EPHA6: variants seen among roughly 807,000 people sequenced by gnomAD.
EPHA6 encodes the protein EPH receptor A6, also known as ephrin type-A receptor 6.
A neutral mutation model predicts 112.0 loss-of-function variants in EPHA6; 50 were observed. The observed-to-expected ratio is 0.45, with a 90% CI of 0.36 to 0.56. EPHA6 has a LOEUF of 0.56. Ranked by LOEUF, EPHA6 falls within the 20% of genes least tolerant of loss-of-function variation. EPHA6 has a pLI of 0.00. For synonymous variants in EPHA6, 529 were observed against 490.7 expected (o/e 1.08, Z -1.03); for missense variants, 1,280 against 1,417.4 (o/e 0.90, Z 1.56).
chr3:96,891,333 CA>C (rs1212186739), intron 2 of EPHA6, among the ~76,000 whole-genome samples: 2 of 151,970 alleles, frequency 1.3e-5, no homozygotes, highest in Admixed American at 1.3e-4. Flanking sequence ...AACTGGAAAC[CA>C]AAGAGCACAT....
chr3:97,568,581 T>C (rs2093297566), intron 11 of EPHA6, among the ~76,000 whole-genome samples: 1 of 152,234 alleles, frequency 6.6e-6, no homozygotes, highest in African/African-American at 2.4e-5. Flanking sequence ...TCCTTATGCC[T>C]ACAATGCCCC....
chr3:97,685,313 C>T (rs770594355), intron 14 of EPHA6, among the ~76,000 whole-genome samples: 6 of 152,144 alleles, frequency 3.9e-5, no homozygotes, highest in South Asian at 2.1e-4. Flanking sequence ...GAGTTAATTC[C>T]TGTTGAATGC....
chr3:97,265,063 C>G (rs1209427600), intron 5 of EPHA6, among the ~76,000 whole-genome samples: 1 of 152,142 alleles, frequency 6.6e-6, no homozygotes, highest in Non-Finnish European at 1.5e-5. Flanking sequence ...GAGGTTAGTT[C>G]CTCTCTGCAA....
chr3:97,630,963 T>C (rs2107534066), intron 13 of EPHA6, among the ~76,000 whole-genome samples: 1 of 152,072 alleles, frequency 6.6e-6, no homozygotes, highest in South Asian at 2.1e-4. Flanking sequence ...TGGACTGTCA[T>C]CCCATCCTAA....
chr3:97,441,642 A>T (rs1390690711), intron 6 of EPHA6, among the ~76,000 whole-genome samples: 2 of 152,092 alleles, frequency 1.3e-5, no homozygotes, highest in Admixed American at 1.3e-4. Context: ...GTAAAATATT[A>T]TAGATGAAGT....
At chr3:97,595,326 G>T (rs2107361437) in intron 12 of EPHA6, among the ~76,000 whole-genome samples, 1 of 152,302 alleles carries the variant, frequency 6.6e-6, no homozygotes, top group Admixed American at 6.5e-5. Context: ...GAATGCATTT[G>T]TGTAGTAGTC....
chr3:97,591,976 A>G (rs2093549347), intron 11 of EPHA6, among the ~76,000 whole-genome samples: 1 of 152,156 alleles, frequency 6.6e-6, no homozygotes, highest in African/African-American at 2.4e-5. Flanking sequence ...TTATGGATAA[A>G]TTTCCAAGCC....
intron 2 of EPHA6, among the ~76,000 whole-genome samples, chr3:96,984,211 T>C (rs1342175106): frequency 6.6e-6 from 1 of 152,164 alleles, no homozygotes; most frequent in Non-Finnish European, 1.5e-5. Context: ...TTGATGATGG[T>C]GACGTGCAGA....
chr3:97,092,109 G>T, intron 3 of EPHA6, among the ~76,000 whole-genome samples: 1 of 146,702 alleles, frequency 6.8e-6, no homozygotes, highest in Non-Finnish European at 1.5e-5. Context: ...AAAAAAAAAA[G>T]CAAAAAATTA....
intron 15 of EPHA6, among the ~76,000 whole-genome samples, chr3:97,735,651 AATT>A (rs879941363): frequency 1.3e-5 from 2 of 152,024 alleles, no homozygotes; most frequent in African/African-American, 2.4e-5. Context: ...TCACACAAAA[AATT>A]ATTTCTTAAG....
chr3:97,760,339 T>G lies in EPHA6; in HGVS notation c.*11638T>G, dbSNP rs967825622. 11 of 157,654 alleles carry G rather than the reference T, an allele frequency of 7.0e-5. No individual in the cohort carries two copies. The highest frequency in any genetic ancestry group is 1.1e-4 in the Non-Finnish European group (8 of 73,112). The allele number at this position is 157,654 out of a possible 1,614,324, so 9.8% of individuals were successfully genotyped here. A position where few individuals can be genotyped will look rare whatever the true frequency, so the allele number is the denominator to read the frequency against. ...GCTTGGTGCTTTGTTTCTGGAGATA[T>G]ATATATATATATTATATATATGTAT... On this transcript the variant is annotated 3_prime_UTR_variant, in exon 18 of 18. Transcript: ENST00000389672.
At chr3:97,263,454 C>A (rs923845102) in intron 5 of EPHA6, among the ~76,000 whole-genome samples, 1 of 151,808 alleles carries the variant, frequency 6.6e-6, no homozygotes, top group East Asian at 1.9e-4. Context: ...CACACACACA[C>A]ACACACACAC....
chr3:96,893,534 TTAA>T lies in EPHA6; in HGVS notation c.450+26647_450+26649del, dbSNP rs556943698. ...GATTAAGGATTATTTAGGTGGGAAA[TTAA>T]TGATGATTATTGCACACCAGTCAGG... On this transcript the variant is annotated intron_variant, in intron 2 of 17. Coordinates refer to ENST00000389672, the MANE Select transcript of EPHA6 (RefSeq NM_001080448.3). 1.6e-4 allele frequency among the ~76,000 whole-genome samples: 25 copies of T among 152,300 alleles called. No homozygotes were observed. The East Asian group carries it at 4.6e-3, about 28-fold the overall frequency.
chr3:96,970,094 TAA>T (rs1313778224), intron 2 of EPHA6, among the ~76,000 whole-genome samples: 1 of 152,010 alleles, frequency 6.6e-6, no homozygotes, highest in Non-Finnish European at 1.5e-5. Flanking sequence ...ATTGAATCTG[TAA>T]ATAGTCTCTT....
chr3:96,814,976 C>G lies in EPHA6; in HGVS notation c.353C>G (p.Pro118Arg), dbSNP rs1260456085. ...GFFLPLLTAWPGDCSHVSNNQ... is the reference protein window; with the variant it reads ...GFFLPLLTAWRGDCSHVSNNQ... ...TTCTTGCCTCTGCTGACAGCGTGGC[C>G]AGGCGACTGCAGTCACGTCTCCAAC... is the stretch of plus-strand genomic sequence containing the variant. Residue 118 changes from proline to arginine, a missense_variant, in exon 1 of 18, where the codon CCA becomes CGA. By Grantham distance (103) the Pro-to-Arg change is moderately radical. This residue lies in a region of EPHA6 where 220 missense variants were observed against 171.5 expected (regional missense o/e 1.28). Coordinates refer to ENST00000389672, the MANE Select transcript of EPHA6 (RefSeq NM_001080448.3). 1.3e-6 allele frequency: 2 copies of G among 1,536,114 alleles called. No homozygotes were observed. The highest frequency in any genetic ancestry group is 1.8e-6 in the Non-Finnish European group (2 of 1,136,934).
chr3:97,575,371 T>G (rs1370857554), intron 11 of EPHA6, among the ~76,000 whole-genome samples: 1 of 152,162 alleles, frequency 6.6e-6, no homozygotes, highest in African/African-American at 2.4e-5. Flanking sequence ...TAGATTAACA[T>G]CATGAGAGGT....
At chr3:96,906,048 G>T (rs181301501) in intron 2 of EPHA6, among the ~76,000 whole-genome samples, 1 of 152,072 alleles carries the variant, frequency 6.6e-6, no homozygotes, top group African/African-American at 2.4e-5. Flanking sequence ...ATCTGAATAT[G>T]CTAAGTCTGC....
At chr3:96,923,226 A>G (rs562378222) in intron 2 of EPHA6, among the ~76,000 whole-genome samples, 1 of 152,330 alleles carries the variant, frequency 6.6e-6, no homozygotes, top group South Asian at 2.1e-4. Flanking sequence ...ACTGTCTTCC[A>G]CAATGGTTGA....
At chr3:97,269,032 C>T (rs903379568) in intron 5 of EPHA6, among the ~76,000 whole-genome samples, 5 of 152,128 alleles carry the variant, frequency 3.3e-5, no homozygotes, top group African/African-American at 4.8e-5. Context: ...ATGGCTAGTT[C>T]GCTTTAAATA....
Sources: gnomAD v4.1 joint callset for allele counts (sites outside exome capture counted in the v4.1 genomes callset) on GRCh38, gnomAD v4.1.1 for gene constraint, gnomAD v4.1.1 regional missense constraint, MANE v1.5 for transcripts, NCBI Gene and HGNC (gene_info 2026-07-23, HGNC 2026-07-21) for gene names.